TIAM2: variants seen among roughly 807,000 people sequenced by gnomAD.
TIAM2 encodes TIAM Rac1 associated GEF 2.
In TIAM2, 80 loss-of-function variants were observed where a neutral mutation model predicts 152.9. The observed-to-expected ratio is 0.52, with a 90% CI of 0.44 to 0.63. TIAM2 has a LOEUF of 0.63. TIAM2 is among the 30% of genes least tolerant of loss of function. The probability of loss-of-function intolerance (pLI) is 0.00; values close to 1 mark genes in which losing one functional copy is unlikely to be tolerated. For missense variants in TIAM2, 1,965 were observed against 2,120.1 expected (o/e 0.93, Z 1.44); for synonymous variants, 804 against 838.0 (o/e 0.96, Z 0.70).
At chr6:155,006,736 T>A (rs1199278870) in intron 1 of TIAM2, among the ~76,000 whole-genome samples, 2 of 149,620 alleles carry the variant, frequency 1.3e-5, no homozygotes. Flanking sequence ...TTGCCCAGGC[T>A]GGAGTGCAGT....
At position 155,071,895 on chromosome 6, in the gene TIAM2, CAAAA is replaced by C. The variant is rs374621162; in HGVS notation, c.-208-18380_-208-18377del. Reference sequence around the variant, plus strand: ...TGGGCAACAGAGGGAAACTCTGTGTCAAAAAAAAAAAAAAAAAGTAATAAAATAA... The same window carrying C: ...TGGGCAACAGAGGGAAACTCTGTGTCAAAAAAAAAAAAAGTAATAAAATAA... On this transcript the variant is annotated intron_variant, in intron 1 of 26. Transcript: ENST00000682666. Among the ~76,000 whole-genome samples, 107 of 108,878 alleles carry C rather than the reference CAAAA, an allele frequency of 9.8e-4. 1 individual carries two copies. The highest frequency in any genetic ancestry group is 2.9e-3 in the African/African-American group (95 of 33,062). 71.4% of individuals were successfully genotyped at this position (108,878 alleles called of 152,430 possible). A position where few individuals can be genotyped will look rare whatever the true frequency, so the allele number is the denominator to read the frequency against.
chr6:155,037,298 G>A (rs747991099), intron 1 of TIAM2, among the ~76,000 whole-genome samples: 24 of 152,136 alleles, frequency 1.6e-4, no homozygotes, highest in African/African-American at 2.2e-4. Flanking sequence ...CATAACTAGC[G>A]TATAGAAGGT....
intron 1 of TIAM2, among the ~76,000 whole-genome samples, chr6:155,035,422 T>C (rs1014202300): frequency 2.6e-5 from 4 of 152,148 alleles, no homozygotes; most frequent in African/African-American, 9.7e-5. Context: ...GGTTTTGCTA[T>C]GTTGATCAGG....
At chr6:155,070,209 CTTTTTTTTTTTTTTTTTT>C (rs559307371) in intron 1 of TIAM2, among the ~76,000 whole-genome samples, 1 of 44,126 alleles carries the variant, frequency 2.3e-5, no homozygotes, top group Admixed American at 4.2e-4. Flanking sequence ...CCTGGCCAGA[CTTTTTTTTTTTTTTTTTT>C]TTTTTTTTTT....
chr6:155,140,155 A>G (rs1293930008), intron 5 of TIAM2, among the ~76,000 whole-genome samples: 1 of 152,216 alleles, frequency 6.6e-6, no homozygotes, highest in Non-Finnish European at 1.5e-5. Context: ...AGGAGATGAC[A>G]GTGTCTCCTT....
At chr6:155,017,454 G>A (rs569077182) in intron 1 of TIAM2, among the ~76,000 whole-genome samples, 2 of 151,302 alleles carry the variant, frequency 1.3e-5, no homozygotes, top group East Asian at 3.9e-4. Context: ...GTTGATATAA[G>A]TCCTTGCTTC....
At chr6:155,233,674 A>C (rs543450688) in intron 15 of TIAM2, among the ~76,000 whole-genome samples, 101 of 152,234 alleles carry the variant, frequency 6.6e-4, no homozygotes, top group African/African-American at 2.3e-3. Context: ...TAACATTAAA[A>C]ACCTGAACTA....
chr6:155,164,594 T>C lies in TIAM2; in HGVS notation c.2208T>C (p.His736=). The part of the protein sequence containing the change: ...RLGILSVSSF[H]ALVCSRDDSA... The stretch of plus-strand genomic sequence containing the variant: ...GCATCTTGTCTGTTTCCTCTTTCCA[T>C]GCTCTGGTAAGTTCCTGAGGAAGGC... The change falls in exon 8 of 27, where the codon CAT becomes CAC. Residue 736 remains histidine (H), a synonymous_variant. Coordinates refer to ENST00000682666, the MANE Select transcript of TIAM2 (RefSeq NM_012454.4). The C allele has an allele frequency of 6.2e-7, 1 of 1,610,978 alleles. No individual in the cohort carries two copies. Among genetic ancestry groups the C allele is most frequent in the Non-Finnish European group, 8.5e-7 (1 of 1,177,732 alleles).
intron 1 of TIAM2, among the ~76,000 whole-genome samples, chr6:155,086,241 C>A (rs2114973408): frequency 6.6e-6 from 1 of 152,310 alleles, no homozygotes; most frequent in South Asian, 2.1e-4. Context: ...GCTGTTGTAG[C>A]TGTTTGGAGA....
In TIAM2 at chr6:155,179,431, G is replaced by T; in HGVS notation, c.2682G>T (p.Thr894=). 2 of 1,613,534 alleles carry T rather than the reference G, an allele frequency of 1.2e-6. No individual in the cohort carries two copies. The highest frequency in any genetic ancestry group is 2.7e-5 in the African/African-American group (2 of 75,016). Residue 894 remains threonine, a synonymous_variant, in exon 12 of 27, where the codon ACG becomes ACT. Coordinates refer to ENST00000682666, the MANE Select transcript of TIAM2 (RefSeq NM_012454.4). ...TAAATGTTTATGACGTGCAGCTCAC[G>T]AAGACTGGGAGTGTGTGTGACTTTG... ...FPLNVYDVQL[T]KTGSVCDFGF...
rs1268954968 is a variant in TIAM2, at chr6:155,205,359, GGGA to G, written c.3065-5842_3065-5840del. On this transcript the variant is annotated intron_variant, in intron 14 of 26. Coordinates refer to ENST00000682666, the MANE Select transcript of TIAM2 (RefSeq NM_012454.4). ...CTTTAATTGCTGTTCCGGAGAACTG[GGGA>G]GGCACTCTCAGACTTTGGGGTGGAG... Among the ~76,000 whole-genome samples the G allele has an allele frequency of 2.0e-5, 3 of 152,018 alleles. No individual in the cohort carries two copies. In the South Asian group the frequency reaches 6.2e-4, roughly 32 times the overall value.
At chr6:155,146,753 C>G (rs1385356373) in intron 6 of TIAM2, among the ~76,000 whole-genome samples, 1 of 145,046 alleles carries the variant, frequency 6.9e-6, no homozygotes. Context: ...AGGTGCCCGC[C>G]GCTATGCCTG....
intron 1 of TIAM2, among the ~76,000 whole-genome samples, chr6:155,012,748 A>G (rs1321927473): frequency 1.3e-5 from 2 of 152,006 alleles, no homozygotes; most frequent in African/African-American, 4.8e-5. Flanking sequence ...ATGGGATTTC[A>G]CCATATTGGC....
chr6:155,012,830 C>T (rs985845140), intron 1 of TIAM2, among the ~76,000 whole-genome samples: 5 of 152,198 alleles, frequency 3.3e-5, no homozygotes, highest in African/African-American at 7.2e-5. Context: ...GGATTACAGG[C>T]GTGAGCCACT....
chr6:155,242,251 G>A (rs370483696), intron 16 of TIAM2, among the ~76,000 whole-genome samples: 6 of 152,182 alleles, frequency 3.9e-5, no homozygotes, highest in East Asian at 1.9e-4. Context: ...CAACACCCTC[G>A]GACAAAATAA....
intron 14 of TIAM2, among the ~76,000 whole-genome samples, chr6:155,199,591 A>T (rs556807629): frequency 2.0e-5 from 3 of 152,282 alleles, no homozygotes; most frequent in African/African-American, 4.8e-5. Flanking sequence ...ATAGTTTAAA[A>T]TTTTTTCCTT....
chr6:155,101,601 T>C (rs1778550373), intron 2 of TIAM2, among the ~76,000 whole-genome samples: 2 of 152,220 alleles, frequency 1.3e-5, no homozygotes, highest in South Asian at 2.1e-4. Context: ...TCAGAAGCAT[T>C]CTGTGTTTGA....
chr6:155,207,682 G>A (rs1781627106), intron 14 of TIAM2, among the ~76,000 whole-genome samples: 1 of 152,162 alleles, frequency 6.6e-6, no homozygotes, highest in South Asian at 2.1e-4. Flanking sequence ...GCTCTAGGGG[G>A]CCTAAGGGAG....
At chr6:155,083,943 C>T (rs1302429265) in intron 1 of TIAM2, among the ~76,000 whole-genome samples, 1 of 152,146 alleles carries the variant, frequency 6.6e-6, no homozygotes, top group Admixed American at 6.5e-5. Flanking sequence ...TTTTTTGGCC[C>T]AGCCCTGGAA....
Sources: gnomAD v4.1 joint callset for allele counts (sites outside exome capture counted in the v4.1 genomes callset) on GRCh38, gnomAD v4.1.1 for gene constraint, MANE v1.5 for transcripts, NCBI Gene and HGNC (gene_info 2026-07-23, HGNC 2026-07-21) for gene names.